The following DIS3L2 variants were observed in gnomAD, a reference collection of about 807,000 sequenced individuals.
DIS3L2 encodes DIS3 like 3'-5' exoribonuclease 2.
Under a neutral mutation model 97.5 loss-of-function variants are expected in DIS3L2, and 34 were observed. That is an observed-to-expected ratio of 0.35 (90% CI 0.27 to 0.46). DIS3L2 has a LOEUF of 0.46. DIS3L2 is among the 20% of genes least tolerant of loss of function. The pLI, the probability that DIS3L2 is intolerant of heterozygous loss-of-function variation, is 1.00. For missense variants in DIS3L2, 1,038 were observed against 1,146.0 expected, an observed-to-expected ratio of 0.91 and a Z score of 1.36; for synonymous variants, 435 against 445.2, an observed-to-expected ratio of 0.98 and a Z score of 0.29.
chr2:231,997,239 G>C (rs1015082279), intron 1 of DIS3L2, among the ~76,000 whole-genome samples: 2 of 152,196 alleles, frequency 1.3e-5, no homozygotes, highest in African/African-American at 4.8e-5. Context: ...TTCTATTCCA[G>C]AGCTTTTCTT....
intron 9 of DIS3L2, among the ~76,000 whole-genome samples, chr2:232,171,700 CTT>C (rs1396740291): frequency 2.6e-5 from 4 of 152,172 alleles, no homozygotes; most frequent in Non-Finnish European, 5.9e-5. Flanking sequence ...AGTAGTATTC[CTT>C]TCATGTAAAT....
At position 232,052,542 on chromosome 2, in the gene DIS3L2, C is replaced by T. The variant is rs1695439575; in HGVS notation, c.366+22462C>T. Among the ~76,000 whole-genome samples, 3 of 152,198 alleles carry T rather than the reference C, an allele frequency of 2.0e-5. 1 individual carries two copies. The South Asian group carries it at 6.2e-4, about 32-fold the overall frequency. ...GGCCTTCCATGACCTGCCCTCTTCC[C>T]TGTTGGGCAACTCTGTTTCCTTTAG... On this transcript the variant is annotated intron_variant, in intron 5 of 20. Transcript: ENST00000325385.
Position 231,989,339 on chromosome 2 carries a change from TTGTGTGTGTG to T in DIS3L2, c.-93-25470_-93-25461del, listed in dbSNP as rs59088969. Among the ~76,000 whole-genome samples the T allele has an allele frequency of 7.4e-3, 1,083 of 146,800 alleles. 21 individuals are homozygous for T. The highest frequency in any genetic ancestry group is 0.049 in the Admixed American group (724 of 14,810). On this transcript the variant is annotated intron_variant, in intron 1 of 20. Transcript: ENST00000325385. Reference sequence around the variant, plus strand: ...TTTAAAAATGTATGTGTCAGTATAATTGTGTGTGTGTGTGTGTGTGTGTGTGTGTGTGTGT... The same window carrying T: ...TTTAAAAATGTATGTGTCAGTATAATTGTGTGTGTGTGTGTGTGTGTGTGT...
chr2:232,141,514 GAGA>G (rs1690038364), intron 8 of DIS3L2, among the ~76,000 whole-genome samples: 1 of 152,134 alleles, frequency 6.6e-6, no homozygotes, highest in Admixed American at 6.6e-5. Flanking sequence ...ATTACAGGCT[GAGA>G]AGTTCTTGGT....
At chr2:231,977,601 G>A (rs1165259220) in intron 1 of DIS3L2, among the ~76,000 whole-genome samples, 6 of 152,156 alleles carry the variant, frequency 3.9e-5, no homozygotes, top group Non-Finnish European at 7.4e-5. Context: ...CCTGATTCTC[G>A]GGGACTTCGA....
chr2:232,015,313 A>T lies in DIS3L2; in HGVS notation c.53-201A>T, dbSNP rs188798027. ...CATGCGTGTTGTTGTGCTGATTTAA[A>T]ACTCAAGTCTCATCTGTGTATATTT... On this transcript the variant is annotated intron_variant, in intron 2 of 20. Transcript: ENST00000325385. Among the ~76,000 whole-genome samples the T allele has an allele frequency of 3.5e-4, 54 of 152,200 alleles. 3 individuals carry two copies. The East Asian group carries it at 0.01, about 28-fold the overall frequency.
intron 14 of DIS3L2, among the ~76,000 whole-genome samples, chr2:232,312,572 A>G (rs1695166522): frequency 1.3e-5 from 2 of 152,230 alleles, no homozygotes; most frequent in African/African-American, 4.8e-5. Flanking sequence ...CACCTATGCT[A>G]TTCTTGGCCC....
At chr2:232,334,078 G>T in intron 17 of DIS3L2, 91 bp downstream of exon 17, 1 of 1,503,882 alleles carries the variant, frequency 6.6e-7, no homozygotes, top group Non-Finnish European at 8.8e-7. Flanking sequence ...AGACCATTCT[G>T]CCGTGACAGC....
chr2:232,011,140 T>A (rs570116540), intron 1 of DIS3L2, among the ~76,000 whole-genome samples: 1 of 152,172 alleles, frequency 6.6e-6, no homozygotes, highest in Non-Finnish European at 1.5e-5. Context: ...CTCTTAAGAA[T>A]GTATAACTAT....
intron 12 of DIS3L2, 87 bp downstream of exon 12, chr2:232,249,433 T>C: frequency 1.5e-6 from 2 of 1,357,362 alleles, no homozygotes; most frequent in Non-Finnish European, 2.1e-6. Context: ...GGCACTGGCT[T>C]GGGTGCCATG....
At chr2:232,311,156 A>G (rs1695118531) in intron 14 of DIS3L2, among the ~76,000 whole-genome samples, 1 of 152,210 alleles carries the variant, frequency 6.6e-6, no homozygotes, top group Non-Finnish European at 1.5e-5. Flanking sequence ...AAACAAGGAA[A>G]TGGGGGAGCC....
intron 13 of DIS3L2, among the ~76,000 whole-genome samples, chr2:232,286,521 T>TC (rs1694437684): frequency 6.6e-6 from 1 of 152,174 alleles, no homozygotes; most frequent in Admixed American, 6.5e-5. Flanking sequence ...AAATATTGAG[T>TC]CCCAATCAGC....
chr2:232,336,590 A>AG lies in DIS3L2; in HGVS notation c.2620dup (p.Glu874GlyfsTer3), dbSNP rs746713009. On this transcript the variant is annotated frameshift_variant, in exon 21 of 21. Coordinates refer to ENST00000325385, the MANE Select transcript of DIS3L2 (RefSeq NM_152383.5). LOFTEE classifies it low-confidence loss of function (END_TRUNC). Reference sequence around the variant, plus strand: ...CACCTGGGCCCTGAGAAGGAGGAGGAGGAGTCTGACGGTGAGCCCGAGGAC... The same window carrying AG: ...CACCTGGGCCCTGAGAAGGAGGAGGAGGGAGTCTGACGGTGAGCCCGAGGAC... The AG allele has an allele frequency of 1.9e-6, 3 of 1,608,356 alleles. No homozygotes were observed. In the South Asian group the frequency reaches 3.3e-5, roughly 18 times the overall value.
At chr2:232,093,993 G>A (rs571216432) in intron 6 of DIS3L2, among the ~76,000 whole-genome samples, 1 of 151,752 alleles carries the variant, frequency 6.6e-6, no homozygotes, top group Non-Finnish European at 1.5e-5. Context: ...TTTGATGTAA[G>A]CACTGCTTTC....
chr2:232,225,948 A>G (rs557404134), intron 10 of DIS3L2, among the ~76,000 whole-genome samples: 1 of 152,376 alleles, frequency 6.6e-6, no homozygotes, highest in Non-Finnish European at 1.5e-5. Context: ...TGATTCCATT[A>G]ATATGAGATG....
intron 6 of DIS3L2, among the ~76,000 whole-genome samples, chr2:232,091,382 C>T (rs532250783): frequency 1.3e-5 from 2 of 152,284 alleles, no homozygotes; most frequent in Non-Finnish European, 2.9e-5. Flanking sequence ...TTTTTTAGCT[C>T]TCACAGATAA....
At chr2:232,165,543 A>G (rs1040441141) in intron 9 of DIS3L2, among the ~76,000 whole-genome samples, 5 of 152,162 alleles carry the variant, frequency 3.3e-5, no homozygotes, top group Non-Finnish European at 7.4e-5. Flanking sequence ...TATTATTTTT[A>G]AGACAGCATC....
At chr2:232,270,860 G>GTCTCTCTCTCCCTCTC (rs1693972226) in intron 13 of DIS3L2, among the ~76,000 whole-genome samples, 2 of 103,818 alleles carry the variant, frequency 1.9e-5, no homozygotes, top group Admixed American at 1.9e-4. Context: ...TCTTTTTCTC[G>GTCTCTCTCTCCCTCTC]TCTCTCTCTC....
At chr2:232,336,040 G>T (rs1314770922) in intron 20 of DIS3L2, 166 bp downstream of exon 20, 9 of 1,526,676 alleles carry the variant, frequency 5.9e-6, no homozygotes, top group Non-Finnish European at 7.9e-6. Flanking sequence ...CCTCCTGTGG[G>T]TCCTGCTTTC....
Sources: gnomAD v4.1 joint callset for allele counts (sites outside exome capture counted in the v4.1 genomes callset) on GRCh38, gnomAD v4.1.1 for gene constraint, MANE v1.5 for transcripts, NCBI Gene and HGNC (gene_info 2026-07-23, HGNC 2026-07-21) for gene names.